SND1: variants seen among roughly 807,000 people sequenced by gnomAD.
SND1 encodes the protein staphylococcal nuclease domain-containing protein 1.
SND1 carries 38 observed loss-of-function variants against 121.7 expected under a neutral mutation model. The ratio of observed to expected loss-of-function variants is 0.31; its 90% CI spans 0.24 to 0.41. SND1 has a LOEUF of 0.41. Ranked by LOEUF, SND1 falls within the 10% of genes least tolerant of loss-of-function variation. The pLI is 1.00. For missense variants in SND1, 868 were observed against 1,184.6 expected, an observed-to-expected ratio of 0.73 and a Z score of 3.92; for synonymous variants, 401 against 447.4, an observed-to-expected ratio of 0.90 and a Z score of 1.31.
intron 15 of SND1, among the ~76,000 whole-genome samples, chr7:127,964,515 C>G (rs1335497722): frequency 6.6e-6 from 1 of 151,360 alleles, no homozygotes; most frequent in Non-Finnish European, 1.5e-5. Context: ...ATAGGGAATC[C>G]TTTCCCCATT....
At chr7:127,768,332 G>A (rs1335215885) in intron 10 of SND1, among the ~76,000 whole-genome samples, 2 of 152,190 alleles carry the variant, frequency 1.3e-5, no homozygotes, top group East Asian at 3.8e-4. Flanking sequence ...AAGTAGGAGA[G>A]GATTACAAAG....
intron 11 of SND1, among the ~76,000 whole-genome samples, chr7:127,816,217 A>T (rs990467514): frequency 1.1e-4 from 16 of 152,158 alleles, no homozygotes; most frequent in African/African-American, 3.9e-4. Context: ...CAGCATTTTG[A>T]AATATGACAC....
intron 21 of SND1, among the ~76,000 whole-genome samples, chr7:128,089,044 GTGTTTTTT>G (rs1430109031): frequency 6.6e-6 from 1 of 151,964 alleles, no homozygotes; most frequent in Non-Finnish European, 1.5e-5. Context: ...TTTCTGGTTT[GTGTTTTTT>G]TGTTTTTTTG....
intron 12 of SND1, chr7:127,858,133 G>A (rs1056219506): frequency 5.9e-5 from 50 of 852,566 alleles, no homozygotes; most frequent in Non-Finnish European, 9.9e-5. Context: ...CATGTCTAGG[G>A]AGTGTGGGGG....
intron 12 of SND1, among the ~76,000 whole-genome samples, chr7:127,870,407 A>G (rs1799562407): frequency 6.6e-6 from 1 of 152,148 alleles, no homozygotes; most frequent in African/African-American, 2.4e-5. Context: ...AACAATTGGG[A>G]TACCTTCTGA....
chr7:127,835,818 A>C (rs1798856981), intron 11 of SND1, among the ~76,000 whole-genome samples: 1 of 152,144 alleles, frequency 6.6e-6, no homozygotes, highest in African/African-American at 2.4e-5. Context: ...TTTATTTAAA[A>C]TATTGTCATT....
chr7:127,807,347 TA>T (rs1798255244), intron 10 of SND1, 136 bp from the exon 11 acceptor site: 4 of 636,770 alleles, frequency 6.3e-6, no homozygotes, highest in Non-Finnish European at 1.1e-5. Context: ...TTTAATCATT[TA>T]TTATGTGTCT....
intron 17 of SND1, among the ~76,000 whole-genome samples, chr7:128,075,729 G>A (rs1243057062): frequency 6.6e-6 from 1 of 152,224 alleles, no homozygotes; most frequent in Non-Finnish European, 1.5e-5. Context: ...ACAGATGAAA[G>A]GGACGGTCAG....
At chr7:128,001,875 G>A (rs557330694) in intron 16 of SND1, among the ~76,000 whole-genome samples, 188 of 152,312 alleles carry the variant, frequency 1.2e-3, no homozygotes, top group Non-Finnish European at 2.3e-3. Flanking sequence ...AGGTTGCGGT[G>A]AGCCAAGATC....
intron 9 of SND1, among the ~76,000 whole-genome samples, chr7:127,711,540 T>C (rs189725602): frequency 4.9e-4 from 75 of 152,262 alleles, no homozygotes; most frequent in African/African-American, 1.6e-3. Context: ...AGCAAATTCT[T>C]TTTGATCCTA....
intron 10 of SND1, among the ~76,000 whole-genome samples, chr7:127,749,431 T>C (rs761602776): frequency 1.3e-5 from 2 of 152,184 alleles, no homozygotes; most frequent in Non-Finnish European, 2.9e-5. Context: ...CATTGAAGGC[T>C]CTTGAGCAGG....
intron 12 of SND1, among the ~76,000 whole-genome samples, chr7:127,849,526 C>T (rs150283491): frequency 2.0e-4 from 31 of 152,302 alleles, no homozygotes; most frequent in African/African-American, 7.5e-4. Flanking sequence ...ACCACCTCAC[C>T]CCTCATCCAT....
At chr7:128,087,808 A>G (rs1229697786) in intron 21 of SND1, among the ~76,000 whole-genome samples, 1 of 152,162 alleles carries the variant, frequency 6.6e-6, no homozygotes. Context: ...ATCTGAGAAC[A>G]GGAGCCCAGA....
At chr7:127,960,966 C>T (rs1022191596) in intron 15 of SND1, among the ~76,000 whole-genome samples, 1 of 152,198 alleles carries the variant, frequency 6.6e-6, no homozygotes, top group African/African-American at 2.4e-5. Flanking sequence ...CAAATGTGTC[C>T]ATTCCTCTCC....
At chr7:127,718,497 C>T (rs191949916) in intron 9 of SND1, 19 of 840,608 alleles carry the variant, frequency 2.3e-5, no homozygotes, top group African/African-American at 5.5e-5. Context: ...CGGACACGCA[C>T]GCATGCACTC....
chr7:127,694,724 ATGGTAGGTACTCAGACATTTAC>A, intron 2 of SND1, 82 bp from the exon 3 acceptor site: 1 of 1,364,706 alleles, frequency 7.3e-7, no homozygotes, highest in South Asian at 1.3e-5. Flanking sequence ...GGCCAGGACC[ATGGTAGGTACTCAGACATTTAC>A]TGAAGGTATG....
intron 10 of SND1, among the ~76,000 whole-genome samples, chr7:127,750,723 T>G (rs753197045): frequency 6.6e-6 from 1 of 152,212 alleles, no homozygotes; most frequent in African/African-American, 2.4e-5. Context: ...TTTCAGATTT[T>G]GGATCATTTT....
chr7:127,722,838 A>T (rs1796519810), intron 10 of SND1, among the ~76,000 whole-genome samples: 1 of 152,174 alleles, frequency 6.6e-6, no homozygotes, highest in Admixed American at 6.5e-5. Flanking sequence ...GAGGCAGTTT[A>T]ATGCAGCAAA....
chr7:128,064,482 G>A (rs758020936), intron 16 of SND1, among the ~76,000 whole-genome samples: 127 of 152,284 alleles, frequency 8.3e-4, no homozygotes, highest in Non-Finnish European at 1.5e-3. Context: ...GTATTGGTGC[G>A]GACCTACCTG....
Sources: gnomAD v4.1 joint callset for allele counts (sites outside exome capture counted in the v4.1 genomes callset) on GRCh38, gnomAD v4.1.1 for gene constraint, MANE v1.5 for transcripts, NCBI Gene and HGNC (gene_info 2026-07-23, HGNC 2026-07-21) for gene names.